PRR14L: variants seen among roughly 807,000 people sequenced by gnomAD.
PRR14L encodes the protein proline rich 14 like.
A neutral mutation model predicts 155.0 loss-of-function variants in PRR14L; 80 were observed. The ratio of observed to expected loss-of-function variants is 0.52; its 90% confidence interval spans 0.43 to 0.62. The LOEUF (loss-of-function observed/expected upper bound fraction) is 0.62, where lower values mean the gene tolerates loss of function less well. PRR14L is among the 20% of genes least tolerant of loss of function. The pLI, the probability that PRR14L is intolerant of heterozygous loss-of-function variation, is 0.00. For missense variants in PRR14L, 2,469 were observed against 2,548.0 expected, an observed-to-expected ratio of 0.97 and a Z score of 0.67; for synonymous variants, 883 against 916.0, an observed-to-expected ratio of 0.96 and a Z score of 0.65.
chr22:31,731,201 G>A (rs1442436454), intron 2 of PRR14L, among the ~76,000 whole-genome samples: 1 of 152,064 alleles, frequency 6.6e-6, no homozygotes, highest in Non-Finnish European at 1.5e-5. Flanking sequence ...TTGCTACAAG[G>A]TGTCTGTTGC....
chr22:31,747,655 C>A (rs1306688170), intron 1 of PRR14L, among the ~76,000 whole-genome samples: 2 of 151,716 alleles, frequency 1.3e-5, no homozygotes, highest in African/African-American at 4.8e-5. Context: ...CCTACAGACA[C>A]CAACAATGGT....
intron 1 of PRR14L, among the ~76,000 whole-genome samples, chr22:31,749,059 A>AT (rs1035860119): frequency 6.6e-6 from 1 of 152,206 alleles, no homozygotes; most frequent in Non-Finnish European, 1.5e-5. Flanking sequence ...TTTTTAACAG[A>AT]TTAAGTAATA....
At chr22:31,698,658 C>T (rs1485414223) in intron 7 of PRR14L, among the ~76,000 whole-genome samples, 1 of 151,958 alleles carries the variant, frequency 6.6e-6, no homozygotes, top group Non-Finnish European at 1.5e-5. Flanking sequence ...CGGTGGGTCA[C>T]GCCTGTAATC....
At chr22:31,709,533 GTTTTTTTTTTT>G (rs35320368) in intron 4 of PRR14L, among the ~76,000 whole-genome samples, 2 of 88,546 alleles carry the variant, frequency 2.3e-5, no homozygotes, top group African/African-American at 4.6e-5. Flanking sequence ...CGCCTGTGGG[GTTTTTTTTTTT>G]TTTTTTTTTT....
chr22:31,720,839 T>G (rs1057464893), intron 3 of PRR14L, among the ~76,000 whole-genome samples: 1 of 152,240 alleles, frequency 6.6e-6, no homozygotes, highest in African/African-American at 2.4e-5. Context: ...ATATATTTCC[T>G]GAATGCTCTT....
chr22:31,725,830 G>T lies in PRR14L; in HGVS notation c.475-220C>A, dbSNP rs1329428293. On this transcript the variant is annotated intron_variant, in intron 2 of 8. Coordinates refer to ENST00000327423, the MANE Select transcript of PRR14L (RefSeq NM_173566.3). ...ATTACATGCACCCACTACTACGCCT[G>T]GCTAATTTTTGTATTTCTACTACAG... Among the ~76,000 whole-genome samples, 3 of 151,902 alleles carry T rather than the reference G, an allele frequency of 2.0e-5. No homozygotes were observed. The South Asian group carries it at 6.2e-4, about 32-fold the overall frequency.
intron 7 of PRR14L, among the ~76,000 whole-genome samples, chr22:31,695,908 A>T (rs1422903388): frequency 6.6e-6 from 1 of 151,966 alleles, no homozygotes; most frequent in South Asian, 2.1e-4. Context: ...TCATAGTTTA[A>T]TGTTTTATAA....
intron 2 of PRR14L, among the ~76,000 whole-genome samples, chr22:31,734,458 G>A (rs1326288993): frequency 6.6e-6 from 1 of 152,158 alleles, no homozygotes; most frequent in Non-Finnish European, 1.5e-5. Context: ...TGAGATCAGG[G>A]GATGCCTGGG....
At chr22:31,706,668 T>C (rs1024110445) in intron 4 of PRR14L, among the ~76,000 whole-genome samples, 1 of 152,088 alleles carries the variant, frequency 6.6e-6, no homozygotes, top group Admixed American at 6.6e-5. Flanking sequence ...GTGGTCTGCC[T>C]ACCTCAGTCT....
At position 31,682,475 on chromosome 22, in the gene PRR14L, CAGG is replaced by C. The variant is rs2074459607; in HGVS notation, c.*3049_*3051del. On this transcript the variant is annotated 3_prime_UTR_variant, in exon 9 of 9. Coordinates refer to ENST00000327423, the MANE Select transcript of PRR14L (RefSeq NM_173566.3). Reference sequence around the variant, plus strand: ...AAAAAGTGGACATGATCTGCTTTAACAGGAGATGAGGTACAGCTGAACTCATGG... The same window carrying C: ...AAAAAGTGGACATGATCTGCTTTAACAGATGAGGTACAGCTGAACTCATGG... 1.3e-5 allele frequency: 2 copies of C among 151,768 alleles called. No homozygotes were observed. The allele number at this position is 151,768 out of a possible 1,614,324, so 9.4% of individuals were successfully genotyped here.
intron 7 of PRR14L, among the ~76,000 whole-genome samples, chr22:31,700,767 GC>G (rs1347043337): frequency 6.6e-6 from 1 of 152,086 alleles, no homozygotes; most frequent in African/African-American, 2.4e-5. Flanking sequence ...TGTTGGTCAG[GC>G]TGGTCTCAAA....
At chr22:31,717,425 A>G (rs2074666529) in intron 3 of PRR14L, 134 bp from the exon 4 acceptor site, 2 of 672,298 alleles carry the variant, frequency 3.0e-6, no homozygotes, top group East Asian at 2.8e-5. Context: ...GAAAGTTAGC[A>G]TGCTATACCA....
intron 7 of PRR14L, among the ~76,000 whole-genome samples, chr22:31,698,795 G>C (rs182122891): frequency 6.6e-6 from 1 of 151,174 alleles, no homozygotes; most frequent in African/African-American, 2.4e-5. Flanking sequence ...ACTGGCGGGC[G>C]CCTGTAGTCC....
At chr22:31,717,786 A>T (rs1315392861) in intron 3 of PRR14L, among the ~76,000 whole-genome samples, 1 of 152,144 alleles carries the variant, frequency 6.6e-6, no homozygotes, top group Admixed American at 6.6e-5. Flanking sequence ...TTTCAGACAG[A>T]GTCTTGCTCT....
Position 31,714,975 on chromosome 22 carries a change from T to C in PRR14L, c.2864A>G (p.Asn955Ser). ...SPTVMFSSFK[N>S]VKSVETLDQK... ...ATCGAGTGTTTCAACTGATTTTACATTTTTAAAACTGGAGAACATAACAGT... is the reference window on the plus strand; with the variant it reads ...ATCGAGTGTTTCAACTGATTTTACACTTTTAAAACTGGAGAACATAACAGT... Residue 955 changes from asparagine (N) to serine (S), a missense_variant, in exon 4 of 9, where the codon AAT becomes AGT. Coordinates refer to ENST00000327423, the MANE Select transcript of PRR14L (RefSeq NM_173566.3). The C allele has an allele frequency of 6.4e-7, 1 of 1,552,118 alleles. No individual in the cohort carries two copies. The highest frequency in any genetic ancestry group is 8.7e-7 in the Non-Finnish European group (1 of 1,147,072).
At chr22:31,692,109 C>T (rs1286118785) in intron 7 of PRR14L, among the ~76,000 whole-genome samples, 1 of 152,174 alleles carries the variant, frequency 6.6e-6, no homozygotes, top group African/African-American at 2.4e-5. Context: ...CTCAGATGGT[C>T]TGCCCACCTC....
chr22:31,691,781 G>A (rs2074512988), intron 7 of PRR14L, among the ~76,000 whole-genome samples: 1 of 152,136 alleles, frequency 6.6e-6, no homozygotes, highest in East Asian at 1.9e-4. Flanking sequence ...TTTATCAACT[G>A]AGGAACATTT....
intron 1 of PRR14L, among the ~76,000 whole-genome samples, chr22:31,747,805 C>T (rs1280146325): frequency 2.8e-5 from 4 of 142,268 alleles, no homozygotes; most frequent in African/African-American, 1.0e-4. Flanking sequence ...ATTCCTATCC[C>T]ACCAAAAAAA....
In PRR14L at chr22:31,713,122, G is replaced by T; in HGVS notation, c.4717C>A (p.Pro1573Thr). The T allele has an allele frequency of 6.4e-7, 1 of 1,552,204 alleles. No homozygotes were observed. The highest frequency in any genetic ancestry group is 8.7e-7 in the Non-Finnish European group (1 of 1,147,076). The change falls in exon 4 of 9, where the codon CCT (proline) becomes ACT (threonine). Residue 1573 changes from proline (P) to threonine (T), a missense_variant. By Grantham distance (38) the Pro-to-Thr change is conservative (BLOSUM62 -1). Transcript: ENST00000327423. ...RLLSLCTLSAPTRLEPETAPT... is the reference protein window; with the variant it reads ...RLLSLCTLSATTRLEPETAPT... The stretch of plus-strand genomic sequence containing the variant: ...GCTGTTTCAGGTTCTAATCGTGTAG[G>T]TGCAGACAGAGTACACAAACTGAGA...
Sources: gnomAD v4.1 joint callset for allele counts (sites outside exome capture counted in the v4.1 genomes callset) on GRCh38, gnomAD v4.1.1 for gene constraint, MANE v1.5 for transcripts, NCBI Gene and HGNC (gene_info 2026-07-23, HGNC 2026-07-21) for gene names.